The following MAP2K4 variants were observed in gnomAD, a reference collection of about 807,000 sequenced individuals.
The protein encoded by MAP2K4 is mitogen-activated protein kinase kinase 4.
In MAP2K4, 4 loss-of-function variants were observed where a neutral mutation model predicts 48.5. That is an observed-to-expected ratio of 0.08 (90% CI 0.04 to 0.19). The LOEUF is 0.19. Among genes scored for constraint, MAP2K4 ranks in the 10% least tolerant of loss-of-function variants. The probability of loss-of-function intolerance (pLI) is 1.00; values close to 1 mark genes in which losing one functional copy is unlikely to be tolerated. For missense variants in MAP2K4, 258 were observed against 493.3 expected, an observed-to-expected ratio of 0.52 and a Z score of 4.52; for synonymous variants, 166 against 173.1, an observed-to-expected ratio of 0.96 and a Z score of 0.32.
intron 1 of MAP2K4, among the ~76,000 whole-genome samples, chr17:12,045,908 T>C (rs1392096703): frequency 1.3e-5 from 2 of 152,226 alleles, no homozygotes; most frequent in Non-Finnish European, 2.9e-5. Flanking sequence ...GCCAGAGATT[T>C]AGGCATCACA....
chr17:12,140,590 A>T (rs1973346464), intron 10 of MAP2K4, among the ~76,000 whole-genome samples: 1 of 152,188 alleles, frequency 6.6e-6, no homozygotes, highest in African/African-American at 2.4e-5. Context: ...TGGAGAGTAC[A>T]GGGAAGAAGC....
At chr17:12,131,097 G>C (rs1309536599) in intron 9 of MAP2K4, among the ~76,000 whole-genome samples, 1 of 152,040 alleles carries the variant, frequency 6.6e-6, no homozygotes, top group Admixed American at 6.6e-5. Flanking sequence ...TAAATTTCAT[G>C]ATGGGGAGGA....
intron 4 of MAP2K4, among the ~76,000 whole-genome samples, chr17:12,106,830 ATCTC>A (rs750931442): frequency 2.0e-4 from 31 of 152,028 alleles, no homozygotes; most frequent in Non-Finnish European, 4.0e-4. Context: ...TGACTCATGC[ATCTC>A]TCTCATGAAC....
chr17:12,044,256 A>G (rs1404994590), intron 1 of MAP2K4, among the ~76,000 whole-genome samples: 1 of 152,198 alleles, frequency 6.6e-6, no homozygotes, highest in Non-Finnish European at 1.5e-5. Context: ...TGGTAATCCC[A>G]TAATGGGTTG....
chr17:12,071,787 G>A (rs149147792), intron 2 of MAP2K4, among the ~76,000 whole-genome samples: 2 of 152,286 alleles, frequency 1.3e-5, no homozygotes, highest in African/African-American at 4.8e-5. Context: ...ATAGACCAGT[G>A]AACCTGAGAT....
intron 2 of MAP2K4, among the ~76,000 whole-genome samples, chr17:12,067,324 CT>C (rs1315938141): frequency 3.9e-5 from 6 of 152,016 alleles, no homozygotes; most frequent in African/African-American, 1.4e-4. Flanking sequence ...ATTTTCAGCC[CT>C]TTTCTTGTCA....
intron 2 of MAP2K4, among the ~76,000 whole-genome samples, chr17:12,079,749 A>G (rs1368496434): frequency 1.3e-5 from 2 of 152,252 alleles, no homozygotes; most frequent in East Asian, 1.9e-4. Context: ...ATCATTATAC[A>G]TGGAACTTCT....
intron 7 of MAP2K4, 80 bp downstream of exon 7, chr17:12,113,440 T>C: frequency 6.6e-7 from 1 of 1,509,428 alleles, no homozygotes; most frequent in Middle Eastern, 1.8e-4. Context: ...CCATTAGTCA[T>C]ACGGTTTTAC....
At chr17:12,120,499 A>G (rs575062110) in intron 7 of MAP2K4, among the ~76,000 whole-genome samples, 1 of 151,128 alleles carries the variant, frequency 6.6e-6, no homozygotes, top group Non-Finnish European at 1.5e-5. Flanking sequence ...AAAACTAAAA[A>G]AAGTTTTAAA....
intron 1 of MAP2K4, among the ~76,000 whole-genome samples, chr17:12,050,560 C>G (rs1179153562): frequency 2.0e-5 from 3 of 152,110 alleles, no homozygotes; most frequent in Non-Finnish European, 4.4e-5. Context: ...TTTTGGTAAC[C>G]TAGATTGCAG....
chr17:12,122,454 A>G (rs898048957), intron 7 of MAP2K4, among the ~76,000 whole-genome samples: 2 of 152,226 alleles, frequency 1.3e-5, no homozygotes, highest in African/African-American at 2.4e-5. Context: ...TTGTCTTAGA[A>G]TACTGTTATT....
chr17:12,065,546 C>T (rs1382698554), intron 2 of MAP2K4, among the ~76,000 whole-genome samples: 6 of 150,898 alleles, frequency 4.0e-5, no homozygotes, highest in African/African-American at 9.7e-5. Flanking sequence ...GTGATCTGCC[C>T]GCCTCAGCCT....
chr17:12,044,595 A>AG (rs1236840212), intron 1 of MAP2K4, among the ~76,000 whole-genome samples: 1 of 152,260 alleles, frequency 6.6e-6, no homozygotes, highest in African/African-American at 2.4e-5. Flanking sequence ...CAATCAACAT[A>AG]GAAGACTTTG....
intron 7 of MAP2K4, among the ~76,000 whole-genome samples, chr17:12,120,917 G>A (rs1387532567): frequency 6.6e-6 from 1 of 152,208 alleles, no homozygotes; most frequent in African/African-American, 2.4e-5. Context: ...CAGGTATTCT[G>A]GCGATGCTAC....
At position 12,143,323 on chromosome 17, in the gene MAP2K4, A is replaced by G. The variant is rs940538048; in HGVS notation, c.*2063A>G. 41 of 232,792 alleles carry G rather than the reference A, an allele frequency of 1.8e-4. No individual in the cohort carries two copies. Among genetic ancestry groups the G allele is most frequent in the Non-Finnish European group, 2.7e-4 (32 of 117,560 alleles). 14.4% of individuals were successfully genotyped at this position (232,792 alleles called of 1,614,324 possible). A position where few individuals can be genotyped will look rare whatever the true frequency, so the allele number is the denominator to read the frequency against. On this transcript the variant is annotated 3_prime_UTR_variant, in exon 11 of 11. Coordinates refer to ENST00000353533, the MANE Select transcript of MAP2K4 (RefSeq NM_003010.4). ...ACCGTTCTATTGTGTGGATGACCAC[A>G]TAAGAAGGCAATTTTAGTGTATTAA...
intron 9 of MAP2K4, among the ~76,000 whole-genome samples, chr17:12,138,212 T>C (rs555794320): frequency 1.3e-5 from 2 of 152,278 alleles, no homozygotes; most frequent in South Asian, 4.1e-4. Context: ...TAGACTGCTT[T>C]GATCCTTGAA....
intron 3 of MAP2K4, among the ~76,000 whole-genome samples, chr17:12,087,251 T>G (rs937985000): frequency 2.6e-5 from 4 of 152,228 alleles, no homozygotes; most frequent in Admixed American, 6.5e-5. Context: ...CTTATGGCTA[T>G]GCCTCTGAAA....
chr17:12,142,857 A>G lies in MAP2K4; in HGVS notation c.*1597A>G, dbSNP rs35027510. On this transcript the variant is annotated 3_prime_UTR_variant, in exon 11 of 11. Transcript: ENST00000353533. ...GTGAAGCAGCACTGTGAGTGGTTCAAGCACACTGGAATATAAAACAGTCAT... is the reference window on the plus strand; with the variant it reads ...GTGAAGCAGCACTGTGAGTGGTTCAGGCACACTGGAATATAAAACAGTCAT... 3.6e-3 allele frequency: 837 copies of G among 232,664 alleles called. 4 individuals are homozygous for G. Among genetic ancestry groups the G allele is most frequent in the South Asian group, 8.7e-3 (48 of 5,520 alleles). The allele number at this position is 232,664 out of a possible 1,614,324, so 14.4% of individuals were successfully genotyped here.
chr17:12,075,789 G>A (rs554775803), intron 2 of MAP2K4, among the ~76,000 whole-genome samples: 1 of 152,242 alleles, frequency 6.6e-6, no homozygotes, highest in African/African-American at 2.4e-5. Context: ...TTCCAGTAGT[G>A]ATAACCAATT....
Sources: allele counts gnomAD v4.1 joint callset (sites outside exome capture counted in the v4.1 genomes callset), GRCh38; gene constraint gnomAD v4.1.1; transcripts MANE v1.5; gene names NCBI Gene and HGNC (gene_info 2026-07-23, HGNC 2026-07-21).